Variants in RARB observed in about 807,000 individuals in gnomAD.
RARB encodes HBV-activated protein.
RARB carries 17 observed loss-of-function variants against 51.9 expected under a neutral mutation model. The ratio of observed to expected loss-of-function variants is 0.33; its 90% CI spans 0.22 to 0.49. The LOEUF (loss-of-function observed/expected upper bound fraction) is 0.49, where lower values mean the gene tolerates loss of function less well. RARB is among the 20% of genes least tolerant of loss of function. RARB has a pLI of 0.99. For synonymous variants in RARB, 215 were observed against 195.4 expected (o/e 1.10, Z -0.84); for missense variants, 369 against 550.8 (o/e 0.67, Z 3.30).
intron 5 of RARB, among the ~76,000 whole-genome samples, chr3:25,390,883 A>G (rs151043487): frequency 0.023 from 3,475 of 151,204 alleles, 71 homozygotes; most frequent in South Asian, 0.056. Flanking sequence ...CAGTAAAACA[A>G]TAATAACTTT....
At chr3:25,518,721 G>T (rs1424326145) in intron 3 of RARB, among the ~76,000 whole-genome samples, 1 of 151,996 alleles carries the variant, frequency 6.6e-6, no homozygotes, top group African/African-American at 2.4e-5. Flanking sequence ...TATGGGTATT[G>T]TCTATTTCTG....
intron 4 of RARB, among the ~76,000 whole-genome samples, chr3:25,160,833 TC>T (rs900987617): frequency 6.6e-6 from 1 of 152,102 alleles, no homozygotes; most frequent in Non-Finnish European, 1.5e-5. Context: ...TCTAGTGGCT[TC>T]CCCATAGGCC....
At chr3:25,585,524 C>T (rs1228862551) in intron 5 of RARB, among the ~76,000 whole-genome samples, 2 of 152,176 alleles carry the variant, frequency 1.3e-5, no homozygotes, top group Non-Finnish European at 2.9e-5. Context: ...GAAATTAAAC[C>T]ATGTGGGAAC....
At chr3:25,151,631 A>G (rs546347441) in intron 4 of RARB, among the ~76,000 whole-genome samples, 26 of 152,330 alleles carry the variant, frequency 1.7e-4, no homozygotes, top group Non-Finnish European at 2.9e-5. Context: ...TCAGATATCC[A>G]TTAGTTGCTA....
At chr3:25,505,450 T>G (rs994036116) in intron 3 of RARB, among the ~76,000 whole-genome samples, 1 of 152,332 alleles carries the variant, frequency 6.6e-6, no homozygotes. Context: ...AATTTAATTT[T>G]TATAGATCAA....
intron 2 of RARB, among the ~76,000 whole-genome samples, chr3:24,952,246 G>T (rs1350944506): frequency 1.3e-5 from 2 of 150,404 alleles, no homozygotes; most frequent in African/African-American, 2.4e-5. Flanking sequence ...AGTAACATTT[G>T]TTTTTTTTTA....
chr3:25,407,030 A>G (rs781092637), intron 5 of RARB, among the ~76,000 whole-genome samples: 1 of 152,148 alleles, frequency 6.6e-6, no homozygotes, highest in South Asian at 2.1e-4. Flanking sequence ...GTCTTTCACA[A>G]CTGTCATTTT....
chr3:25,278,265 T>C (rs571106573), intron 5 of RARB, among the ~76,000 whole-genome samples: 16 of 152,304 alleles, frequency 1.1e-4, no homozygotes, highest in African/African-American at 3.8e-4. Context: ...AATCTCACTG[T>C]TTTGTCGTAA....
intron 3 of RARB, among the ~76,000 whole-genome samples, chr3:25,505,315 A>G (rs1162872279): frequency 6.6e-6 from 1 of 152,182 alleles, no homozygotes; most frequent in Non-Finnish European, 1.5e-5. Context: ...ACTGCGTGCC[A>G]TAGGAAGCAG....
intron 4 of RARB, among the ~76,000 whole-genome samples, chr3:25,573,176 C>T (rs1006913420): frequency 2.0e-5 from 3 of 152,116 alleles, no homozygotes; most frequent in Admixed American, 6.5e-5. Flanking sequence ...CTCCGCTGGC[C>T]GCCTTCCTTC....
intron 1 of RARB, among the ~76,000 whole-genome samples, chr3:24,850,444 G>C (rs1702541354): frequency 6.6e-6 from 1 of 152,146 alleles, no homozygotes; most frequent in African/African-American, 2.4e-5. Flanking sequence ...GGGCTCAACA[G>C]GATGGGGATG....
At position 25,184,787 on chromosome 3, in the gene RARB, G is replaced by A. The variant is rs988622280; in HGVS notation, c.178+10212G>A. Among the ~76,000 whole-genome samples, 9 of 152,058 alleles carry A rather than the reference G, an allele frequency of 5.9e-5. No homozygotes were observed. In the East Asian group the frequency reaches 7.7e-4, roughly 13 times the overall value. On this transcript the variant is annotated intron_variant, in intron 5 of 11. Transcript: ENST00000383772. ...CACACCTATACTCCCAGCGCTTTGC[G>A]GGACTGAGTCAGGAGGATCACTTAA...
intron 2 of RARB, among the ~76,000 whole-genome samples, chr3:25,044,883 CTCTT>C (rs1192933071): frequency 1.3e-5 from 2 of 152,146 alleles, no homozygotes; most frequent in Non-Finnish European, 2.9e-5. Context: ...AGTCCTGTCT[CTCTT>C]TATTAATCTC....
intron 2 of RARB, among the ~76,000 whole-genome samples, chr3:24,909,814 T>A (rs950436474): frequency 6.6e-6 from 1 of 152,136 alleles, no homozygotes; most frequent in South Asian, 2.1e-4. Context: ...TTATTTTTGA[T>A]GTCTGATTGT....
chr3:25,578,343 C>T (rs986937526), intron 4 of RARB, among the ~76,000 whole-genome samples: 2 of 152,252 alleles, frequency 1.3e-5, no homozygotes, highest in South Asian at 2.1e-4. Flanking sequence ...GATTTACATG[C>T]CGTTAAGACG....
intron 5 of RARB, among the ~76,000 whole-genome samples, chr3:25,284,496 T>A (rs1411100752): frequency 2.6e-5 from 4 of 152,132 alleles, no homozygotes; most frequent in Admixed American, 1.3e-4. Context: ...AGGAAAATAT[T>A]ACTCAAATAT....
At chr3:25,286,480 T>C (rs1575284675) in intron 5 of RARB, among the ~76,000 whole-genome samples, 1 of 152,204 alleles carries the variant, frequency 6.6e-6, no homozygotes, top group Non-Finnish European at 1.5e-5. Context: ...AGCCCTCTGA[T>C]GTTTCTCCTC....
At chr3:25,201,892 C>CT (rs1275639126) in intron 5 of RARB, among the ~76,000 whole-genome samples, 2 of 116,752 alleles carry the variant, frequency 1.7e-5, no homozygotes, top group Non-Finnish European at 3.6e-5. Context: ...CTACAATTCT[C>CT]TTTTTTTGTT....
intron 5 of RARB, among the ~76,000 whole-genome samples, chr3:25,319,495 A>G (rs1704510364): frequency 6.6e-6 from 1 of 152,176 alleles, no homozygotes; most frequent in Non-Finnish European, 1.5e-5. Flanking sequence ...TTGTTAGTTT[A>G]TGCCTATTCT....
Sources: allele counts gnomAD v4.1 joint callset (sites outside exome capture counted in the v4.1 genomes callset), GRCh38; gene constraint gnomAD v4.1.1; transcripts MANE v1.5; gene names NCBI Gene and HGNC (gene_info 2026-07-23, HGNC 2026-07-21).